The following MPPED1 variants were observed in gnomAD, a reference collection of about 807,000 sequenced individuals.
MPPED1 encodes the protein metallophosphoesterase domain containing 1.
A neutral mutation model predicts 36.2 loss-of-function variants in MPPED1; 16 were observed. That is an observed-to-expected ratio of 0.44 (90% CI 0.30 to 0.67). The LOEUF (loss-of-function observed/expected upper bound fraction) is 0.67, where lower values mean the gene tolerates loss of function less well. Ranked by LOEUF, MPPED1 falls within the 30% of genes least tolerant of loss-of-function variation. The pLI, the probability that MPPED1 is intolerant of heterozygous loss-of-function variation, is 0.10. For missense variants in MPPED1, 307 were observed against 453.4 expected, an observed-to-expected ratio of 0.68 and a Z score of 2.93; for synonymous variants, 199 against 191.3, an observed-to-expected ratio of 1.04 and a Z score of -0.33.
intron 3 of MPPED1, among the ~76,000 whole-genome samples, chr22:43,436,728 G>A (rs139143679): frequency 6.6e-6 from 1 of 152,380 alleles, no homozygotes; most frequent in East Asian, 1.9e-4. Flanking sequence ...TCAAGAGGCC[G>A]TTTCCAGGGC....
At chr22:43,423,112 C>T (rs567041835) in intron 1 of MPPED1, among the ~76,000 whole-genome samples, 129 of 152,290 alleles carry the variant, frequency 8.5e-4, no homozygotes, top group African/African-American at 2.8e-3. Context: ...GCTGGGATTA[C>T]GGGTGTGAGC....
chr22:43,426,539 G>A (rs2146821732), intron 2 of MPPED1, among the ~76,000 whole-genome samples: 1 of 152,330 alleles, frequency 6.6e-6, no homozygotes, highest in South Asian at 2.1e-4. Context: ...GGTGCTTGTG[G>A]CATCCCAGCC....
chr22:43,426,714 G>T (rs1465520334), intron 2 of MPPED1, among the ~76,000 whole-genome samples: 1 of 152,246 alleles, frequency 6.6e-6, no homozygotes, highest in Non-Finnish European at 1.5e-5. Flanking sequence ...AGGGCAGCAG[G>T]CTCCAGGCGG....
chr22:43,452,865 G>C (rs1312439412), intron 3 of MPPED1, among the ~76,000 whole-genome samples: 1 of 151,978 alleles, frequency 6.6e-6, no homozygotes, highest in African/African-American at 2.4e-5. Flanking sequence ...CTGGGCTCAA[G>C]CAGTCCTCCT....
Position 43,488,823 on chromosome 22 carries a change from C to T in MPPED1, c.633-9412C>T, listed in dbSNP as rs570495046. On this transcript the variant is annotated intron_variant, in intron 4 of 6. Coordinates refer to ENST00000443721, the MANE Select transcript of MPPED1 (RefSeq NM_001044370.2). ...CGCCTTCCATGGCTTAGCGGGAATTCGCATCCGTCCGCCCTCCTCAGGCGC... is the reference window on the plus strand; with the variant it reads ...CGCCTTCCATGGCTTAGCGGGAATTTGCATCCGTCCGCCCTCCTCAGGCGC... Among the ~76,000 whole-genome samples the T allele has an allele frequency of 3.3e-5, 5 of 152,352 alleles. No homozygotes were observed. The East Asian group carries it at 5.8e-4, about 18-fold the overall frequency.
At chr22:43,422,459 T>C (rs919453874) in intron 1 of MPPED1, among the ~76,000 whole-genome samples, 3 of 152,032 alleles carry the variant, frequency 2.0e-5, no homozygotes, top group African/African-American at 7.3e-5. Flanking sequence ...GCCAGACCAG[T>C]CGTAGGGCCA....
At chr22:43,433,438 ATGAGTGAATGAG>A (rs135073) in intron 2 of MPPED1, among the ~76,000 whole-genome samples, 6,802 of 45,878 alleles carry the variant, frequency 0.15, 206 homozygotes, top group Middle Eastern at 0.31. Flanking sequence ...TATTCAGTGA[ATGAGTGAATGAG>A]TGAGTGAATG....
At chr22:43,478,445 C>A (rs1325236097) in intron 4 of MPPED1, among the ~76,000 whole-genome samples, 1 of 152,178 alleles carries the variant, frequency 6.6e-6, no homozygotes, top group Middle Eastern at 3.2e-3. Context: ...AGACAGTCAA[C>A]AACCAATTCC....
chr22:43,495,852 T>A (rs1312822063), intron 4 of MPPED1, among the ~76,000 whole-genome samples: 2 of 39,580 alleles, frequency 5.1e-5, no homozygotes, highest in African/African-American at 8.7e-5. Flanking sequence ...GTGGAGATGG[T>A]GGTGGTGGTG....
intron 1 of MPPED1, among the ~76,000 whole-genome samples, chr22:43,421,628 C>A (rs1929278767): frequency 6.6e-6 from 1 of 152,170 alleles, no homozygotes; most frequent in Admixed American, 6.5e-5. Flanking sequence ...TCTCCTGACA[C>A]CCACCCTCTG....
chr22:43,492,093 G>A (rs1164278574), intron 4 of MPPED1, among the ~76,000 whole-genome samples: 2 of 152,008 alleles, frequency 1.3e-5, no homozygotes, highest in Non-Finnish European at 2.9e-5. Flanking sequence ...TGAGGTGATG[G>A]GGATGATGAA....
intron 3 of MPPED1, among the ~76,000 whole-genome samples, chr22:43,454,601 A>G (rs1015504760): frequency 6.6e-6 from 1 of 151,592 alleles, no homozygotes; most frequent in African/African-American, 2.4e-5. Flanking sequence ...GGTACTATTA[A>G]GTTATAGGGC....
At chr22:43,496,262 G>A (rs1046567000) in intron 4 of MPPED1, among the ~76,000 whole-genome samples, 1 of 57,362 alleles carries the variant, frequency 1.7e-5, no homozygotes, top group Admixed American at 2.0e-4. Context: ...GGTGGTGGAG[G>A]TAGTGGTGGT....
In MPPED1 at chr22:43,493,879, C is replaced by G. The variant is rs556590035; in HGVS notation, c.633-4356C>G. Among the ~76,000 whole-genome samples the G allele has an allele frequency of 8.7e-4, 133 of 152,216 alleles. 1 individual carries two copies. The highest frequency in any genetic ancestry group is 2.5e-3 in the African/African-American group (105 of 41,516). On this transcript the variant is annotated intron_variant, in intron 4 of 6. Coordinates refer to ENST00000443721, the MANE Select transcript of MPPED1 (RefSeq NM_001044370.2). ...TGATGTGGGGATGGCAATTGCATTA[C>G]TATGTAGGGCTGTGTAACTGAGGAT...
chr22:43,449,992 G>A (rs544458996), intron 3 of MPPED1, among the ~76,000 whole-genome samples: 41 of 152,314 alleles, frequency 2.7e-4, no homozygotes, highest in African/African-American at 9.6e-4. Flanking sequence ...GGGCCCAGCC[G>A]GGTGGCGGTG....
At chr22:43,472,847 G>T (rs974947500) in intron 3 of MPPED1, among the ~76,000 whole-genome samples, 5 of 152,148 alleles carry the variant, frequency 3.3e-5, no homozygotes, top group Non-Finnish European at 7.3e-5. Context: ...AGCTTATAAC[G>T]GGGCACTGGA....
At position 43,500,437 on chromosome 22, in the gene MPPED1, TGGAGGTGGTGAC is replaced by T. The variant is rs1183441930; in HGVS notation, c.748+2098_748+2109del. Among the ~76,000 whole-genome samples the T allele has an allele frequency of 2.9e-4, 42 of 142,784 alleles. 1 individual carries two copies. The highest frequency in any genetic ancestry group is 7.6e-4 in the Admixed American group (10 of 13,174). The allele number at this position is 142,784 out of a possible 152,430, so 93.7% of individuals were successfully genotyped here. ...ATGGAGGTGGTAATGGAGGTGGTGG[TGGAGGTGGTGAC>T]GGAGGTGGTGGAGGTGGTGGAGGCG... On this transcript the variant is annotated intron_variant, in intron 5 of 6. Transcript: ENST00000443721.
rs112372916 is a variant in MPPED1, at chr22:43,503,075, A to G, written c.862+318A>G. ...GGGTTTTCAGAGGAAGGGGCATTTG[A>G]GCCGTGACATGGAGGATGCATTATA... On this transcript the variant is annotated intron_variant, in intron 6 of 6. Coordinates refer to ENST00000443721, the MANE Select transcript of MPPED1 (RefSeq NM_001044370.2). 1.2e-3 allele frequency among the ~76,000 whole-genome samples: 180 copies of G among 152,282 alleles called. 1 individual carries two copies. The highest frequency in any genetic ancestry group is 3.5e-3 in the African/African-American group (144 of 41,548).
chr22:43,425,630 C>T (rs980226347), intron 2 of MPPED1, among the ~76,000 whole-genome samples: 9 of 152,228 alleles, frequency 5.9e-5, no homozygotes, highest in Non-Finnish European at 8.8e-5. Context: ...GTCTGATTTA[C>T]GCTCCTCATT....
Sources: allele counts gnomAD v4.1 joint callset (sites outside exome capture counted in the v4.1 genomes callset), GRCh38; gene constraint gnomAD v4.1.1; transcripts MANE v1.5; gene names NCBI Gene and HGNC (gene_info 2026-07-23, HGNC 2026-07-21).